Variants in KPNA3 observed in about 807,000 individuals in gnomAD.
The protein encoded by KPNA3 is karyopherin subunit alpha 3.
A neutral mutation model predicts 73.8 loss-of-function variants in KPNA3; 13 were observed. That is an observed-to-expected ratio of 0.18 (90% CI 0.11 to 0.28). The LOEUF is 0.28. Among genes scored for constraint, KPNA3 ranks in the 10% least tolerant of loss-of-function variants. The probability of loss-of-function intolerance (pLI) is 1.00; values close to 1 mark genes in which losing one functional copy is unlikely to be tolerated. For synonymous variants in KPNA3, 186 were observed against 206.9 expected, an observed-to-expected ratio of 0.90 and a Z score of 0.87; for missense variants, 360 against 618.1, an observed-to-expected ratio of 0.58 and a Z score of 4.43.
chr13:49,720,908 AAT>A (rs1482539285), intron 9 of KPNA3, among the ~76,000 whole-genome samples: 1 of 152,070 alleles, frequency 6.6e-6, no homozygotes, highest in Non-Finnish European at 1.5e-5. Flanking sequence ...TAAGAACTCC[AAT>A]TTTGTCAGTA....
intron 1 of KPNA3, among the ~76,000 whole-genome samples, chr13:49,756,213 G>A (rs1348184910): frequency 6.6e-6 from 1 of 152,222 alleles, no homozygotes; most frequent in Non-Finnish European, 1.5e-5. Flanking sequence ...GACGGAGGCT[G>A]CAGTAAGTGG....
intron 1 of KPNA3, among the ~76,000 whole-genome samples, chr13:49,766,275 T>G (rs2137588669): frequency 6.6e-6 from 1 of 152,336 alleles, no homozygotes; most frequent in Middle Eastern, 3.4e-3. Context: ...AATGATTTAT[T>G]TTTCATTTCT....
intron 1 of KPNA3, among the ~76,000 whole-genome samples, chr13:49,774,628 CAAAAG>C (rs1010051966): frequency 5.3e-5 from 8 of 152,066 alleles, no homozygotes; most frequent in East Asian, 1.9e-4. Context: ...GTTACCAAAA[CAAAAG>C]AAAAGCATAG....
chr13:49,770,442 C>G (rs1016183509), intron 1 of KPNA3, among the ~76,000 whole-genome samples: 7 of 152,050 alleles, frequency 4.6e-5, no homozygotes, highest in African/African-American at 1.4e-4. Flanking sequence ...TCCCAAAGTG[C>G]TGGGATTACA....
chr13:49,780,611 A>T (rs1954933360), intron 1 of KPNA3, among the ~76,000 whole-genome samples: 1 of 151,702 alleles, frequency 6.6e-6, no homozygotes, highest in African/African-American at 2.4e-5. Flanking sequence ...GCACAAATCT[A>T]TTTCACTGTT....
chr13:49,755,090 T>G (rs1242425599), intron 1 of KPNA3, among the ~76,000 whole-genome samples: 1 of 151,060 alleles, frequency 6.6e-6, no homozygotes, highest in Non-Finnish European at 1.5e-5. Flanking sequence ...AAAAAGAAAC[T>G]GCAGGCCAAT....
intron 1 of KPNA3, among the ~76,000 whole-genome samples, chr13:49,770,834 CAAAAAA>C (rs759842886): frequency 1.2e-5 from 1 of 85,474 alleles, no homozygotes; most frequent in African/African-American, 4.5e-5. Context: ...ACCCACCTAC[CAAAAAA>C]AAAAAAAAAA....
At chr13:49,743,875 G>A (rs1954594384) in intron 2 of KPNA3, among the ~76,000 whole-genome samples, 1 of 152,158 alleles carries the variant, frequency 6.6e-6, no homozygotes, top group African/African-American at 2.4e-5. Flanking sequence ...GGCAGATGGT[G>A]TAATGTTAAC....
intron 15 of KPNA3, among the ~76,000 whole-genome samples, chr13:49,704,872 T>C (rs927893610): frequency 6.6e-6 from 1 of 152,204 alleles, no homozygotes; most frequent in African/African-American, 2.4e-5. Flanking sequence ...CTTTTCCAAC[T>C]ATATGAAATA....
chr13:49,746,930 A>G lies in KPNA3; in HGVS notation c.114+19T>C. ...CAGAAAAATCTAATTACTTTTCTTT[A>G]AATGTAAATCAACCTTACCTTCCGC... is the stretch of plus-strand genomic sequence containing the variant. On this transcript the variant is annotated intron_variant, in intron 2 of 16. Coordinates refer to ENST00000261667, the MANE Select transcript of KPNA3 (RefSeq NM_002267.4). 1 of 1,577,066 alleles carries G rather than the reference A, an allele frequency of 6.3e-7. No homozygotes were observed. The highest frequency in any genetic ancestry group is 1.1e-5 in the South Asian group (1 of 90,058).
chr13:49,707,143 G>A (rs534077191), intron 12 of KPNA3, among the ~76,000 whole-genome samples: 1 of 152,246 alleles, frequency 6.6e-6, no homozygotes, highest in East Asian at 1.9e-4. Context: ...ACAAGATATA[G>A]TCATTCAAGT....
intron 2 of KPNA3, among the ~76,000 whole-genome samples, chr13:49,744,450 A>G (rs528674068): frequency 1.3e-5 from 2 of 152,356 alleles, no homozygotes; most frequent in Admixed American, 6.5e-5. Context: ...TAATATACAA[A>G]ATGATTGATG....
intron 1 of KPNA3, among the ~76,000 whole-genome samples, chr13:49,785,311 C>T (rs1057477671): frequency 1.1e-4 from 17 of 151,810 alleles, no homozygotes; most frequent in Admixed American, 3.3e-4. Flanking sequence ...AGAGGCAGGG[C>T]CAAAATCCAG....
At chr13:49,727,296 A>C (rs1490152993) in intron 6 of KPNA3, among the ~76,000 whole-genome samples, 2 of 151,942 alleles carry the variant, frequency 1.3e-5, no homozygotes, top group Non-Finnish European at 2.9e-5. Context: ...AAAAATACAA[A>C]AATTAGCTGG....
At chr13:49,774,834 A>G (rs1425956042) in intron 1 of KPNA3, among the ~76,000 whole-genome samples, 2 of 152,176 alleles carry the variant, frequency 1.3e-5, no homozygotes, top group African/African-American at 2.4e-5. Context: ...GGTAACTAAT[A>G]CAACTAATTA....
chr13:49,756,520 G>A (rs1435270627), intron 1 of KPNA3, among the ~76,000 whole-genome samples: 2 of 152,166 alleles, frequency 1.3e-5, no homozygotes, highest in Non-Finnish European at 2.9e-5. Context: ...TTACACCACT[G>A]CACTCCAGCC....
At chr13:49,761,681 C>T (rs1444349358) in intron 1 of KPNA3, among the ~76,000 whole-genome samples, 8 of 116,216 alleles carry the variant, frequency 6.9e-5, no homozygotes, top group South Asian at 2.5e-4. Flanking sequence ...AAGTGAGGAG[C>T]GTCTCTGCCT....
rs1243039817 is a variant in KPNA3, at chr13:49,701,568, T to C, written c.*232A>G. 4.8e-6 allele frequency: 3 copies of C among 621,088 alleles called. No individual in the cohort carries two copies. The highest frequency in any genetic ancestry group is 1.5e-5 in the South Asian group (1 of 66,966). The allele number at this position is 621,088 out of a possible 1,614,324, so 38.5% of individuals were successfully genotyped here. A position where few individuals can be genotyped will look rare whatever the true frequency, so the allele number is the denominator to read the frequency against. On this transcript the variant is annotated 3_prime_UTR_variant, in exon 17 of 17. Transcript: ENST00000261667. The stretch of plus-strand genomic sequence containing the variant: ...ACAGGGAAAAATAGGGTAGTTGAGA[T>C]TGTTAAGGAGAGTTCTAAAACAGTT...
chr13:49,764,048 C>CAG, intron 1 of KPNA3, among the ~76,000 whole-genome samples: 1 of 115,958 alleles, frequency 8.6e-6, no homozygotes, highest in Non-Finnish European at 1.6e-5. Flanking sequence ...GCCTGGGTAA[C>CAG]AGAGAGAGAC....
Sources: gnomAD v4.1 joint callset for allele counts (sites outside exome capture counted in the v4.1 genomes callset) on GRCh38, gnomAD v4.1.1 for gene constraint, MANE v1.5 for transcripts, NCBI Gene and HGNC (gene_info 2026-07-23, HGNC 2026-07-21) for gene names.